The following VPS13A variants were observed in gnomAD, a reference collection of about 807,000 sequenced individuals.
VPS13A encodes intermembrane lipid transfer protein VPS13A.
A neutral mutation model predicts 390.9 loss-of-function variants in VPS13A; 264 were observed. The ratio of observed to expected loss-of-function variants is 0.68; its 90% CI spans 0.61 to 0.75. The LOEUF (loss-of-function observed/expected upper bound fraction) is 0.75. VPS13A is among the 30% of genes least tolerant of loss of function. VPS13A has a pLI of 0.00. For missense variants in VPS13A, 3,409 were observed against 3,733.9 expected (o/e 0.91, Z 2.27); for synonymous variants, 1,231 against 1,227.1 (o/e 1.00, Z -0.07).
chr9:77,228,343 C>T, intron 17 of VPS13A, 79 bp downstream of exon 17: 2 of 1,388,624 alleles, frequency 1.4e-6, no homozygotes, highest in South Asian at 2.8e-5. Context: ...CAATCTTAGT[C>T]TTTTGTAAAG....
chr9:77,214,719 G>C (rs1822756801), intron 10 of VPS13A, among the ~76,000 whole-genome samples: 1 of 152,154 alleles, frequency 6.6e-6, no homozygotes, highest in African/African-American at 2.4e-5. Flanking sequence ...AATAAGGCTA[G>C]CTAGTACAGC....
In VPS13A at chr9:77,215,442, A is replaced by G. The variant is rs147431977; in HGVS notation, c.754+1056A>G. 8.2e-3 allele frequency among the ~76,000 whole-genome samples: 1,248 copies of G among 152,320 alleles called. 4 individuals are homozygous for G. Among genetic ancestry groups the G allele is most frequent in the Non-Finnish European group, 0.014 (937 of 68,024 alleles). ...AGGAAATATTCAGAACAGATGAGTT[A>G]TCTGTCATATGTGTTTATGATTTTC... On this transcript the variant is annotated intron_variant, in intron 10 of 71. Transcript: ENST00000360280.
intron 37 of VPS13A, 33 bp from the exon 38 acceptor site, chr9:77,315,220 A>C (rs747767269): frequency 6.3e-7 from 1 of 1,580,344 alleles, no homozygotes; most frequent in Non-Finnish European, 8.7e-7. Flanking sequence ...TAAGTTACTC[A>C]TACATAGGAA....
chr9:77,218,180 C>A (rs1046943561), intron 10 of VPS13A, among the ~76,000 whole-genome samples: 1 of 144,110 alleles, frequency 6.9e-6, no homozygotes. Flanking sequence ...GTGGCGCAAT[C>A]TTGGCTCACT....
At chr9:77,413,520 G>GA (rs1325990714) in intron 71 of VPS13A, among the ~76,000 whole-genome samples, 2 of 152,076 alleles carry the variant, frequency 1.3e-5, no homozygotes, top group African/African-American at 4.8e-5. Context: ...AATGGTGCTG[G>GA]GAAAACTAGC....
intron 35 of VPS13A, among the ~76,000 whole-genome samples, chr9:77,311,582 A>G (rs1276734376): frequency 1.3e-5 from 2 of 152,122 alleles, no homozygotes; most frequent in Non-Finnish European, 2.9e-5. Flanking sequence ...AAATATATGC[A>G]GCAAAATTGA....
intron 62 of VPS13A, among the ~76,000 whole-genome samples, chr9:77,368,964 T>C (rs1448810786): frequency 6.6e-6 from 1 of 152,038 alleles, no homozygotes; most frequent in Non-Finnish European, 1.5e-5. Flanking sequence ...CGAAACCCCA[T>C]CTCTACTAAA....
At chr9:77,316,457 T>C (rs1290576763) in intron 39 of VPS13A, 51 bp downstream of exon 39, 2 of 1,524,960 alleles carry the variant, frequency 1.3e-6, no homozygotes, top group African/African-American at 1.4e-5. Context: ...TTGGATGTAG[T>C]GTATACCATT....
rs1441354835 is a variant in VPS13A at position 77,416,331 on chromosome 9, T to A, written c.*325T>A. On this transcript the variant is annotated 3_prime_UTR_variant, in exon 72 of 72. Coordinates refer to ENST00000360280, the MANE Select transcript of VPS13A (RefSeq NM_033305.3). ...ATTTGCTCCATCTTTTTCTCTGTAA[T>A]GGTGGAGAGGCTGCCCATAATTCAT... 1 of 290,580 alleles carries A rather than the reference T, an allele frequency of 3.4e-6. No homozygotes were observed. The highest frequency in any genetic ancestry group is 8.9e-5 in the East Asian group (1 of 11,224). 18.0% of individuals were successfully genotyped at this position (290,580 alleles called of 1,614,324 possible).
intron 23 of VPS13A, among the ~76,000 whole-genome samples, chr9:77,267,219 G>T (rs375303671): frequency 6.6e-6 from 1 of 152,118 alleles, no homozygotes; most frequent in East Asian, 1.9e-4. Flanking sequence ...GCAAGGAGTT[G>T]TGATCCTTTG....
chr9:77,369,354 T>A lies in VPS13A; in HGVS notation c.8609T>A (p.Phe2870Tyr), dbSNP rs750757485. ...ILGLDVLGNP[F>Y]GLIREFSEGV... Reference sequence around the variant, plus strand: ...GGACTTGATGTTTTGGGAAATCCATTTGGCTTAATTAGAGAATTTTCTGAA... The same window carrying A: ...GGACTTGATGTTTTGGGAAATCCATATGGCTTAATTAGAGAATTTTCTGAA... Residue 2870 changes from phenylalanine to tyrosine, a missense_variant, in exon 63 of 72, where the codon TTT becomes TAT. Phe to Tyr is a conservative substitution (Grantham distance 22). Coordinates refer to ENST00000360280, the MANE Select transcript of VPS13A (RefSeq NM_033305.3). The A allele has an allele frequency of 1.9e-5, 31 of 1,613,818 alleles. No homozygotes were observed. The highest frequency in any genetic ancestry group is 1.9e-5 in the Non-Finnish European group (23 of 1,179,886).
chr9:77,371,246 T>G, intron 67 of VPS13A, 97 bp downstream of exon 67: 1 of 1,545,122 alleles, frequency 6.5e-7, no homozygotes, highest in Non-Finnish European at 8.8e-7. Context: ...GTTATTGTCT[T>G]TGTTTTGTGC....
At chr9:77,278,299 T>A (rs555091447) in intron 26 of VPS13A, among the ~76,000 whole-genome samples, 2 of 148,424 alleles carry the variant, frequency 1.3e-5, no homozygotes, top group African/African-American at 4.9e-5. Context: ...AGTCTCAATC[T>A]CCTGACCTCG....
chr9:77,344,448 T>A (rs1831030739), intron 51 of VPS13A, among the ~76,000 whole-genome samples, 167 bp downstream of exon 51: 2 of 152,160 alleles, frequency 1.3e-5, no homozygotes, highest in African/African-American at 4.8e-5. Flanking sequence ...TCTAAGATAA[T>A]TTAATTGTTA....
chr9:77,370,627 C>G (rs1321734791), intron 65 of VPS13A, 49 bp downstream of exon 65: 1 of 1,610,502 alleles, frequency 6.2e-7, no homozygotes, highest in Non-Finnish European at 8.5e-7. Context: ...ATCTTTTAAA[C>G]AAACCTACAT....
chr9:77,338,898 T>C (rs1001471246), intron 47 of VPS13A: 10 of 152,494 alleles, frequency 6.6e-5, no homozygotes, highest in African/African-American at 2.2e-4. Flanking sequence ...AGAAAGACAA[T>C]TGAGCCATGG....
intron 71 of VPS13A, among the ~76,000 whole-genome samples, chr9:77,413,336 A>C (rs1037670700): frequency 1.3e-5 from 2 of 152,218 alleles, no homozygotes; most frequent in Non-Finnish European, 2.9e-5. Flanking sequence ...CCTGACTTCA[A>C]ACTATACTAC....
chr9:77,408,436 AAGTGGGTGCAGGAC>A (rs1282385621), intron 71 of VPS13A, among the ~76,000 whole-genome samples: 2 of 152,204 alleles, frequency 1.3e-5, no homozygotes, highest in Non-Finnish European at 2.9e-5. Context: ...GAGTGTCGGA[AAGTGGGTGCAGGAC>A]AGTGGGTGCA....
chr9:77,288,019 C>T (rs772216355), intron 31 of VPS13A, among the ~76,000 whole-genome samples: 4 of 152,208 alleles, frequency 2.6e-5, no homozygotes, highest in Non-Finnish European at 5.9e-5. Flanking sequence ...ATATTCACTA[C>T]TGCCCTTTGA....
Sources: gnomAD v4.1 joint callset for allele counts (sites outside exome capture counted in the v4.1 genomes callset) on GRCh38, gnomAD v4.1.1 for gene constraint, MANE v1.5 for transcripts, NCBI Gene and HGNC (gene_info 2026-07-23, HGNC 2026-07-21) for gene names.